The following NOL9 variants were observed in gnomAD, a reference collection of about 807,000 sequenced individuals.
NOL9 encodes the protein polynucleotide 5'-hydroxyl-kinase NOL9.
NOL9 carries 28 observed loss-of-function variants against 67.9 expected under a neutral mutation model. The observed-to-expected ratio is 0.41, with a 90% CI of 0.31 to 0.57. The LOEUF (loss-of-function observed/expected upper bound fraction) is 0.57, where lower values mean the gene tolerates loss of function less well. Ranked by LOEUF, NOL9 falls within the 20% of genes least tolerant of loss-of-function variation. The pLI is 0.25. For synonymous variants in NOL9, 356 were observed against 352.2 expected, an observed-to-expected ratio of 1.01 and a Z score of -0.12; for missense variants, 777 against 897.0, an observed-to-expected ratio of 0.87 and a Z score of 1.71.
At chr1:6,537,230 T>C (rs904630229) in intron 6 of NOL9, among the ~76,000 whole-genome samples, 3 of 151,968 alleles carry the variant, frequency 2.0e-5, no homozygotes, top group African/African-American at 4.8e-5. Flanking sequence ...TCAAACACCA[T>C]ATACAAAAAT....
At position 6,526,011 on chromosome 1, in the gene NOL9, G is replaced by A. The variant is rs1194809649; in HGVS notation, c.1960-8C>T. On this transcript the variant is annotated splice_region_variant and splice_polypyrimidine_tract_variant and intron_variant, in intron 11 of 11. Coordinates refer to ENST00000377705, the MANE Select transcript of NOL9 (RefSeq NM_024654.5). ...TGTCCCTTCGATCCCACGCTGAAACGGAAACACAGAGAATGCATGGAAACA... is the reference window on the plus strand; with the variant it reads ...TGTCCCTTCGATCCCACGCTGAAACAGAAACACAGAGAATGCATGGAAACA... The A allele has an allele frequency of 1.2e-6, 2 of 1,612,646 alleles. No homozygotes were observed. Among genetic ancestry groups the A allele is most frequent in the Admixed American group, 3.3e-5 (2 of 59,988 alleles).
At chr1:6,531,404 G>T (rs1236510910) in intron 9 of NOL9, among the ~76,000 whole-genome samples, 1 of 151,896 alleles carries the variant, frequency 6.6e-6, no homozygotes, top group African/African-American at 2.4e-5. Context: ...TAATAGAGAG[G>T]GGGTTTCACT....
intron 6 of NOL9, among the ~76,000 whole-genome samples, chr1:6,534,664 T>C (rs750035532): frequency 1.3e-5 from 2 of 152,168 alleles, no homozygotes; most frequent in Admixed American, 1.3e-4. Context: ...TAAATAATCA[T>C]AGGCAGGTTT....
intron 10 of NOL9, among the ~76,000 whole-genome samples, chr1:6,527,642 A>G (rs1282226722): frequency 6.9e-6 from 1 of 144,554 alleles, no homozygotes; most frequent in African/African-American, 2.5e-5. Flanking sequence ...AACAAAACAA[A>G]AAAAAAACAG....
chr1:6,542,445 G>A (rs1244405983), intron 5 of NOL9, among the ~76,000 whole-genome samples: 6 of 135,618 alleles, frequency 4.4e-5, no homozygotes, highest in African/African-American at 1.6e-4. Context: ...TTATAGGCCT[G>A]AGGCACTGAG....
intron 6 of NOL9, among the ~76,000 whole-genome samples, chr1:6,534,547 C>A (rs536648140): frequency 4.6e-5 from 7 of 152,254 alleles, no homozygotes; most frequent in African/African-American, 1.7e-4. Flanking sequence ...GCCAGCGAGG[C>A]TCCTTTCAAG....
intron 3 of NOL9, among the ~76,000 whole-genome samples, chr1:6,545,710 G>GCCCATGAGTACA: frequency 6.6e-6 from 1 of 151,982 alleles, no homozygotes; most frequent in African/African-American, 2.4e-5. Context: ...GAAGGGCCCC[G>GCCCATGAGTACA]TCCTCTTGCA....
Position 6,554,430 on chromosome 1 carries a change from G to A in NOL9, c.73C>T (p.Pro25Ser), listed in dbSNP as rs371329354. Residue 25 changes from proline (P) to serine (S), a missense_variant, in exon 1 of 12, where the codon CCC (proline) becomes TCC (serine). Physicochemically the swap from Pro to Ser is moderately conservative, Grantham distance 74 (BLOSUM62 -1). Around this residue, in one of 2 missense-constraint regions of NOL9, gnomAD observed 364 missense variants for 344.4 expected, o/e 1.06. Transcript: ENST00000377705. ...GGCCGGCGGCTGAGGATGAGCTGGG[G>A]CCGGGCCTTGCGGACCCGCAGCCAA... ...STWLRVRKAR[P>S]QLILSRRPRR... The A allele has an allele frequency of 1.3e-5, 20 of 1,547,914 alleles. No individual in the cohort carries two copies. In the African/African-American group the frequency reaches 2.4e-4, roughly 19 times the overall value.
chr1:6,535,333 G>A (rs1211861680), intron 6 of NOL9, among the ~76,000 whole-genome samples: 1 of 152,192 alleles, frequency 6.6e-6, no homozygotes, highest in Non-Finnish European at 1.5e-5. Flanking sequence ...TGGAAAAATA[G>A]CTCATTCCAA....
At position 6,525,294 on chromosome 1, in the gene NOL9, T is replaced by C. The variant is rs1363156134; in HGVS notation, c.*560A>G. The C allele has an allele frequency of 6.5e-6, 1 of 154,752 alleles. No homozygotes were observed. Among genetic ancestry groups the C allele is most frequent in the Non-Finnish European group, 1.4e-5 (1 of 69,858 alleles). The allele number at this position is 154,752 out of a possible 1,614,324, so 9.6% of individuals were successfully genotyped here. ...GATTACAGGTGTGCATGAGCCACCA[T>C]GCCCAGCCCTATCTATTAAACCTTG... On this transcript the variant is annotated 3_prime_UTR_variant, in exon 12 of 12. Transcript: ENST00000377705.
intron 1 of NOL9, among the ~76,000 whole-genome samples, chr1:6,551,178 G>A (rs1444570284): frequency 6.6e-6 from 1 of 152,030 alleles, no homozygotes; most frequent in Non-Finnish European, 1.5e-5. Flanking sequence ...GGGTGCAGTG[G>A]CATGCCTCTG....
chr1:6,540,694 C>T lies in NOL9; in HGVS notation c.1075+1136G>A, dbSNP rs553501771. ...TACAAAAATTAGCTGGGCATGGTGG[C>T]GTGCGCCTGCAGTCACAGCTACTCA... On this transcript the variant is annotated intron_variant, in intron 6 of 11. Transcript: ENST00000377705. 9.2e-5 allele frequency among the ~76,000 whole-genome samples: 14 copies of T among 152,034 alleles called. No homozygotes were observed. The South Asian group carries it at 1.2e-3, about 14-fold the overall frequency.
chr1:6,532,532 A>G lies in NOL9; in HGVS notation c.1466T>C (p.Val489Ala), dbSNP rs1639052842. Residue 489 changes from valine to alanine, a missense_variant, in exon 8 of 12, where the codon GTT (valine) becomes GCT (alanine). Around this residue, in one of 2 missense-constraint regions of NOL9, gnomAD observed 413 missense variants for 552.6 expected, o/e 0.75. Coordinates refer to ENST00000377705, the MANE Select transcript of NOL9 (RefSeq NM_024654.5). ...EFADEEKESP[V>A]EFTGHKLIGV... ...TATCAGTTTATGTCCAGTGAACTCA[A>G]CTGGACTCTCTTTTTCTTCATCAGC... 1 of 1,614,132 alleles carries G rather than the reference A, an allele frequency of 6.2e-7. No homozygotes were observed. The highest frequency in any genetic ancestry group is 1.3e-5 in the African/African-American group (1 of 74,960).
intron 3 of NOL9, chr1:6,548,161 T>C (rs1468497546): frequency 6.7e-6 from 1 of 148,598 alleles, no homozygotes; most frequent in African/African-American, 2.9e-5. Flanking sequence ...TTTTTTTTTT[T>C]TTGAGACGGA....
chr1:6,532,045 T>C lies in NOL9; in HGVS notation c.1570A>G (p.Ile524Val), dbSNP rs1639040761. Reference protein sequence around the residue: ...SHNKILRDLSILSYLSQLQPP... With the variant: ...SHNKILRDLSVLSYLSQLQPP... The stretch of plus-strand genomic sequence containing the variant: ...TGCAGCTGGCTAAGGTAACTCAAGA[T>C]GGACAGATCTCGAAGAATTTTGTTA... Residue 524 changes from isoleucine (I) to valine (V), a missense_variant, in exon 9 of 12, where the codon ATC becomes GTC. Transcript: ENST00000377705. 3 of 1,614,096 alleles carry C rather than the reference T, an allele frequency of 1.9e-6. No individual in the cohort carries two copies. Among genetic ancestry groups the C allele is most frequent in the Admixed American group, 3.3e-5 (2 of 59,996 alleles).
intron 1 of NOL9, among the ~76,000 whole-genome samples, chr1:6,552,794 C>T (rs143296986): frequency 8.5e-5 from 13 of 152,212 alleles, no homozygotes; most frequent in Non-Finnish European, 1.9e-4. Context: ...TCCTTTCTTT[C>T]TTTTCCCCTC....
Position 6,545,159 on chromosome 1 carries a change from G to T in NOL9, c.766C>A (p.Pro256Thr), listed in dbSNP as rs1418307411. The change falls in exon 4 of 12, where the codon CCT (proline) becomes ACT (threonine). Residue 256 changes from proline (P) to threonine (T), a missense_variant. Physicochemically the swap from Pro to Thr is conservative, Grantham distance 38 (BLOSUM62 -1). This residue lies in a region of NOL9 where 413 missense variants were observed against 552.6 expected (regional missense o/e 0.75). Coordinates refer to ENST00000377705, the MANE Select transcript of NOL9 (RefSeq NM_024654.5). The stretch of plus-strand genomic sequence containing the variant: ...ACAGACCTCAAGGCTAAATATTCAG[G>T]TTTAATCTGGGGAGTTGGACTCTGA... ...VQESPTPQIK[P>T]EYLALRSVGI... 1 of 1,612,960 alleles carries T rather than the reference G, an allele frequency of 6.2e-7. No individual in the cohort carries two copies. Among genetic ancestry groups the T allele is most frequent in the Non-Finnish European group, 8.5e-7 (1 of 1,179,774 alleles).
At chr1:6,535,274 C>T (rs1376840768) in intron 6 of NOL9, among the ~76,000 whole-genome samples, 1 of 152,208 alleles carries the variant, frequency 6.6e-6, no homozygotes, top group African/African-American at 2.4e-5. Context: ...GTGCACAGTA[C>T]TGAAACTCTG....
intron 1 of NOL9, among the ~76,000 whole-genome samples, chr1:6,551,340 G>T (rs1557795755): frequency 1.3e-5 from 2 of 152,078 alleles, no homozygotes; most frequent in Admixed American, 1.3e-4. Context: ...AGAACTCTGG[G>T]AGAAGGAGGT....
Sources: allele counts gnomAD v4.1 joint callset (sites outside exome capture counted in the v4.1 genomes callset), GRCh38; gene constraint gnomAD v4.1.1; regional missense constraint gnomAD v4.1.1; transcripts MANE v1.5; gene names NCBI Gene and HGNC (gene_info 2026-07-23, HGNC 2026-07-21).